BCAS3: variants seen among roughly 807,000 people sequenced by gnomAD.
BCAS3 encodes BCAS4/BCAS3 fusion.
In BCAS3, 53 loss-of-function variants were observed where a neutral mutation model predicts 116.1. The ratio of observed to expected loss-of-function variants is 0.46; its 90% CI spans 0.37 to 0.57. The LOEUF is 0.57. Ranked by LOEUF, BCAS3 falls within the 20% of genes least tolerant of loss-of-function variation. The probability of loss-of-function intolerance (pLI) is 0.00; values close to 1 mark genes in which losing one functional copy is unlikely to be tolerated. For synonymous variants in BCAS3, 391 were observed against 408.2 expected, an observed-to-expected ratio of 0.96 and a Z score of 0.51; for missense variants, 917 against 1,165.4, an observed-to-expected ratio of 0.79 and a Z score of 3.10.
Position 61,031,900 on chromosome 17 carries a change from A to G in BCAS3, c.1638-2766A>G, listed in dbSNP as rs571325373. Among the ~76,000 whole-genome samples the G allele has an allele frequency of 3.9e-5, 6 of 152,268 alleles. No homozygotes were observed. In the East Asian group the frequency reaches 5.8e-4, roughly 15 times the overall value. ...AAAATACTTATTTTCTGTAGGAGAT[A>G]CTGAGCTTATGTAAAAATAACACCG... On this transcript the variant is annotated intron_variant, in intron 16 of 23. Coordinates refer to ENST00000407086, the MANE Select transcript of BCAS3 (RefSeq NM_017679.5).
intron 5 of BCAS3, among the ~76,000 whole-genome samples, chr17:60,726,653 A>G (rs1463999689): frequency 4.0e-5 from 6 of 151,762 alleles, no homozygotes; most frequent in African/African-American, 9.7e-5. Context: ...GGGACTACAG[A>G]TGCCCGCCAT....
At chr17:60,723,711 CTTTTTTTTT>C (rs549083159) in intron 5 of BCAS3, among the ~76,000 whole-genome samples, 2 of 88,872 alleles carry the variant, frequency 2.3e-5, no homozygotes, top group Non-Finnish European at 4.4e-5. Context: ...CACTTTCTTT[CTTTTTTTTT>C]TTTTTTTTTT....
intron 11 of BCAS3, among the ~76,000 whole-genome samples, chr17:60,907,114 A>G (rs1319532916): frequency 6.6e-6 from 1 of 152,072 alleles, no homozygotes; most frequent in African/African-American, 2.4e-5. Flanking sequence ...AATCTTTTTT[A>G]CATTTTCTGC....
chr17:60,992,942 A>G (rs139476115), intron 15 of BCAS3, among the ~76,000 whole-genome samples: 8 of 152,344 alleles, frequency 5.3e-5, no homozygotes, highest in African/African-American at 1.7e-4. Flanking sequence ...GATTCACTGT[A>G]CACATGGAGC....
chr17:60,913,509 A>G (rs2058624516), intron 12 of BCAS3, among the ~76,000 whole-genome samples: 1 of 152,120 alleles, frequency 6.6e-6, no homozygotes, highest in Admixed American at 6.5e-5. Flanking sequence ...TCTGATAAGT[A>G]GTTCAGTTGG....
intron 13 of BCAS3, 74 bp from the exon 14 acceptor site, chr17:60,947,145 T>C: frequency 1.4e-6 from 2 of 1,423,806 alleles, no homozygotes; most frequent in Non-Finnish European, 1.9e-6. Flanking sequence ...TTAAATATTG[T>C]GAATAGCTTT....
rs1424651630 is a variant in BCAS3, at chr17:61,188,832, C to G, written c.2425+104268C>G. Among the ~76,000 whole-genome samples the G allele has an allele frequency of 6.6e-6, 1 of 152,140 alleles. No homozygotes were observed. Among genetic ancestry groups the G allele is most frequent in the Non-Finnish European group, 1.5e-5 (1 of 68,030 alleles). On this transcript the variant is annotated intron_variant, in intron 22 of 23. Coordinates refer to ENST00000407086, the MANE Select transcript of BCAS3 (RefSeq NM_017679.5). This position sits in a 1 kb window ranked among gnomAD's most constrained non-coding sequence, Gnocchi z 4.0. Reference sequence around the variant, plus strand: ...ATTCAGTAAAGAATGGCATACTTGCCGGGCATGGTGGCTCATGCCTATAAT... The same window carrying G: ...ATTCAGTAAAGAATGGCATACTTGCGGGGCATGGTGGCTCATGCCTATAAT...
intron 6 of BCAS3, among the ~76,000 whole-genome samples, chr17:60,783,380 T>C (rs1267863675): frequency 6.6e-6 from 1 of 152,140 alleles, no homozygotes; most frequent in African/African-American, 2.4e-5. Flanking sequence ...AATTTTTGTA[T>C]TTTGTATAGA....
At chr17:61,295,003 C>T (rs558078642) in intron 22 of BCAS3, among the ~76,000 whole-genome samples, 24 of 152,332 alleles carry the variant, frequency 1.6e-4, no homozygotes, top group African/African-American at 5.5e-4. Context: ...CATCACTACT[C>T]AAGACTGTGT....
chr17:60,897,168 A>T (rs576794712), intron 10 of BCAS3, among the ~76,000 whole-genome samples: 67 of 152,282 alleles, frequency 4.4e-4, no homozygotes, highest in African/African-American at 1.6e-3. Flanking sequence ...TATGAAGGGT[A>T]ATTTTGCTGG....
chr17:60,712,983 G>A (rs189750350), intron 5 of BCAS3, among the ~76,000 whole-genome samples: 60 of 152,292 alleles, frequency 3.9e-4, no homozygotes, highest in African/African-American at 1.4e-3. Context: ...TCTAGGTGTG[G>A]TGTCATTTCT....
intron 22 of BCAS3, among the ~76,000 whole-genome samples, chr17:61,121,918 C>T (rs202232297): frequency 6.6e-6 from 1 of 152,056 alleles, no homozygotes; most frequent in Admixed American, 6.5e-5. Context: ...TTAGTAGAGA[C>T]GGGGTTTCAA....
intron 9 of BCAS3, among the ~76,000 whole-genome samples, chr17:60,875,795 C>T (rs2055549313): frequency 6.6e-6 from 1 of 151,760 alleles, no homozygotes; most frequent in Admixed American, 6.6e-5. Context: ...CATTTCTTTT[C>T]CTGTAAAGGC....
chr17:60,739,491 G>A (rs1189697928), intron 5 of BCAS3, among the ~76,000 whole-genome samples: 2 of 151,948 alleles, frequency 1.3e-5, no homozygotes, highest in Non-Finnish European at 2.9e-5. Context: ...GTAGGGGCAG[G>A]CACCTGTAAT....
intron 22 of BCAS3, among the ~76,000 whole-genome samples, chr17:61,172,828 C>G (rs1457481126): frequency 2.6e-5 from 4 of 151,436 alleles, no homozygotes; most frequent in Non-Finnish European, 5.9e-5. Context: ...ACTAAAAATA[C>G]AAAAAGAAAA....
At chr17:60,940,465 A>G (rs1373863815) in intron 13 of BCAS3, among the ~76,000 whole-genome samples, 2 of 152,186 alleles carry the variant, frequency 1.3e-5, no homozygotes, top group Non-Finnish European at 2.9e-5. Flanking sequence ...GTTTTCCAGT[A>G]TTCATATCCA....
At chr17:60,947,988 A>G (rs562008230) in intron 14 of BCAS3, among the ~76,000 whole-genome samples, 1 of 152,308 alleles carries the variant, frequency 6.6e-6, no homozygotes, top group East Asian at 1.9e-4. Context: ...ATAATCACGT[A>G]CACGTGCATG....
Position 61,362,937 on chromosome 17 carries a change from C to G in BCAS3, c.2426-5390C>G, listed in dbSNP as rs1470683667. 6.6e-6 allele frequency: 1 copy of G among 152,210 alleles called. No individual in the cohort carries two copies. Among genetic ancestry groups the G allele is most frequent in the Non-Finnish European group, 1.5e-5 (1 of 68,046 alleles). The allele number at this position is 152,210 out of a possible 1,614,324, so 9.4% of individuals were successfully genotyped here. ...TACTCTGACCCTAGATATTCAGGCT[C>G]TGGTACCCCACCCAAAGGGTGTTGA... On this transcript the variant is annotated intron_variant, in intron 22 of 23. Transcript: ENST00000407086. The surrounding 1 kb of genome is among the most constrained non-coding windows in gnomAD (Gnocchi z 4.4).
intron 12 of BCAS3, among the ~76,000 whole-genome samples, chr17:60,918,614 G>A (rs763777803): frequency 6.6e-6 from 1 of 150,496 alleles, no homozygotes; most frequent in African/African-American, 2.4e-5. Flanking sequence ...TGTCTGACTG[G>A]GTTAGTTTGA....
Sources: gnomAD v4.1 joint callset for allele counts (sites outside exome capture counted in the v4.1 genomes callset) on GRCh38, gnomAD v4.1.1 for gene constraint, Gnocchi (gnomAD v3.1) non-coding constraint, MANE v1.5 for transcripts, NCBI Gene and HGNC (gene_info 2026-07-23, HGNC 2026-07-21) for gene names.